CFAP418: variants seen among roughly 807,000 people sequenced by gnomAD.
The protein encoded by CFAP418 is cilia- and flagella-associated protein 418.
Under a neutral mutation model 24.7 loss-of-function variants are expected in CFAP418, and 27 were observed. The observed-to-expected ratio is 1.09, with a 90% CI of 0.81 to 1.51. The LOEUF is 1.51. Among genes scored for constraint, CFAP418 ranks in the 40% most tolerant of loss-of-function variants. The pLI, the probability that CFAP418 is intolerant of heterozygous loss-of-function variation, is 0.00. For synonymous variants in CFAP418, 74 were observed against 87.3 expected (o/e 0.85, Z 0.85); for missense variants, 257 against 255.2 (o/e 1.01, Z -0.05).
At chr8:95,250,179 C>T (rs1563470111) in intron 5 of CFAP418, among the ~76,000 whole-genome samples, 1 of 152,282 alleles carries the variant, frequency 6.6e-6, no homozygotes, top group East Asian at 1.9e-4. Context: ...TGATTTATAT[C>T]CTAATGGTGG....
chr8:95,260,123 A>T (rs1811861361), intron 3 of CFAP418, among the ~76,000 whole-genome samples: 1 of 152,222 alleles, frequency 6.6e-6, no homozygotes, highest in Non-Finnish European at 1.5e-5. Flanking sequence ...ACACTCAAGG[A>T]ATTAAAATGA....
In CFAP418 at chr8:95,269,122, C is replaced by T; in HGVS notation, c.68G>A (p.Arg23Lys). 6.2e-7 allele frequency: 1 copy of T among 1,614,236 alleles called. No individual in the cohort carries two copies. Among genetic ancestry groups the T allele is most frequent in the Non-Finnish European group, 8.5e-7 (1 of 1,180,034 alleles). The change falls in exon 1 of 6, where the codon AGA (arginine) becomes AAA (lysine). Residue 23 changes from arginine (R) to lysine (K), a missense_variant. Transcript: ENST00000286688. ...ESKFCTPDLL[R>K]RGMVEQPKGC... ...TTTGGGCTGCTCGACCATACCCCGT[C>T]TTAGAAGGTCAGGTGTGCAAAACTT... is the stretch of plus-strand genomic sequence containing the variant.
At chr8:95,249,461 G>A (rs562585254) in intron 5 of CFAP418, among the ~76,000 whole-genome samples, 4 of 152,182 alleles carry the variant, frequency 2.6e-5, no homozygotes, top group East Asian at 3.9e-4. Context: ...TCAGGAGTTC[G>A]AGACCAGCAT....
At chr8:95,262,118 C>A (rs1050508334) in intron 2 of CFAP418, among the ~76,000 whole-genome samples, 1 of 152,114 alleles carries the variant, frequency 6.6e-6, no homozygotes, top group South Asian at 2.1e-4. Context: ...GCATGCGAAA[C>A]CCCACGTACA....
At chr8:95,251,744 T>C (rs1811712925) in intron 5 of CFAP418, among the ~76,000 whole-genome samples, 1 of 152,192 alleles carries the variant, frequency 6.6e-6, no homozygotes, top group South Asian at 2.1e-4. Flanking sequence ...AACACAGTCA[T>C]GCATTGCTTA....
rs1312701674 is a variant in CFAP418, at chr8:95,259,846, G to A, written c.368C>T (p.Ser123Leu). 6.2e-7 allele frequency: 1 copy of A among 1,606,882 alleles called. No individual in the cohort carries two copies. The highest frequency in any genetic ancestry group is 1.7e-5 in the Admixed American group (1 of 58,450). ...TACATTTCTGACAACCTACCTCCAT[G>A]AAATATTTGTTCCAATCCCACATGG... ...SIPCGIGTNISWRACDHLRCI... is the reference protein window; with the variant it reads ...SIPCGIGTNILWRACDHLRCI... Residue 123 changes from serine to leucine, a missense_variant, in exon 4 of 6, where the codon TCA becomes TTA. Coordinates refer to ENST00000286688, the MANE Select transcript of CFAP418 (RefSeq NM_177965.4).
chr8:95,253,028 G>A (rs1396855603), intron 4 of CFAP418, among the ~76,000 whole-genome samples: 1 of 152,208 alleles, frequency 6.6e-6, no homozygotes, highest in Non-Finnish European at 1.5e-5. Context: ...GGAGCAAAAT[G>A]GCCGGGCGCG....
At chr8:95,253,681 C>T (rs1811743649) in intron 4 of CFAP418, among the ~76,000 whole-genome samples, 2 of 152,206 alleles carry the variant, frequency 1.3e-5, no homozygotes, top group Admixed American at 6.5e-5. Flanking sequence ...TTCTTTCAAA[C>T]TGTTAGCAAT....
chr8:95,268,747 T>A (rs1407852975), intron 1 of CFAP418: 1 of 148,174 alleles, frequency 6.7e-6, no homozygotes, highest in African/African-American at 4.1e-5. Flanking sequence ...GACTGCGGGC[T>A]CTGCGGGCGG....
chr8:95,257,890 G>A (rs1223568416), intron 4 of CFAP418, among the ~76,000 whole-genome samples: 1 of 152,248 alleles, frequency 6.6e-6, no homozygotes, highest in East Asian at 1.9e-4. Context: ...CCTCAGGCAG[G>A]TCCTTCGGGA....
At chr8:95,268,421 G>A (rs1315674533) in intron 1 of CFAP418, among the ~76,000 whole-genome samples, 3 of 152,110 alleles carry the variant, frequency 2.0e-5, no homozygotes, top group Non-Finnish European at 2.9e-5. Context: ...GCTGCAGTGA[G>A]CTACGATCGT....
rs1365679977 is a variant in CFAP418, at chr8:95,260,497, G to T, written c.279C>A (p.Val93=). The change falls in exon 3 of 6, where the codon GTC becomes GTA. Residue 93 remains valine (V), a synonymous_variant. Transcript: ENST00000286688. ...TACCAAGGCCTTCAATGGAAGCTCT[G>T]ACAGATGTGTTACCTGAAGATTTAG... ...LKSKSSGNTS[V]RASIEGLGKS... is the part of the protein sequence containing the mutation. 2 of 1,589,900 alleles carry T rather than the reference G, an allele frequency of 1.3e-6. No individual in the cohort carries two copies. The highest frequency in any genetic ancestry group is 1.7e-6 in the Non-Finnish European group (2 of 1,172,444).
At chr8:95,266,948 C>T (rs920446308) in intron 1 of CFAP418, among the ~76,000 whole-genome samples, 1 of 152,196 alleles carries the variant, frequency 6.6e-6, no homozygotes, top group African/African-American at 2.4e-5. Flanking sequence ...TGCCCCTCCG[C>T]ATGCTAGTTC....
chr8:95,259,940 T>A (rs1301788374), intron 3 of CFAP418, 35 bp from the exon 4 acceptor site: 2 of 1,525,700 alleles, frequency 1.3e-6, no homozygotes, highest in Non-Finnish European at 8.8e-7. Flanking sequence ...AATATGAAGT[T>A]ATAACAAAAA....
At chr8:95,260,990 A>C (rs1218080268) in intron 2 of CFAP418, among the ~76,000 whole-genome samples, 2 of 152,240 alleles carry the variant, frequency 1.3e-5, no homozygotes, top group African/African-American at 2.4e-5. Flanking sequence ...AGGAATATTA[A>C]TTTTGATCAA....
chr8:95,246,832 T>C lies in CFAP418; in HGVS notation c.*785A>G, dbSNP rs921498573. The stretch of plus-strand genomic sequence containing the variant: ...ATTACTTGCTGTTTACTTCCCTTGA[T>C]GGAGTTTTAGGCATTAAAGGATAGA... On this transcript the variant is annotated 3_prime_UTR_variant, in exon 6 of 6. Coordinates refer to ENST00000286688, the MANE Select transcript of CFAP418 (RefSeq NM_177965.4). The C allele has an allele frequency of 1.3e-5, 2 of 152,356 alleles. No individual in the cohort carries two copies. Among genetic ancestry groups the C allele is most frequent in the East Asian group, 3.9e-4 (2 of 5,192 alleles). 9.4% of individuals were successfully genotyped at this position (152,356 alleles called of 1,614,324 possible).
intron 3 of CFAP418, 30 bp from the exon 4 acceptor site, chr8:95,259,935 G>A (rs1450581568): frequency 6.5e-7 from 1 of 1,532,528 alleles, no homozygotes; most frequent in Non-Finnish European, 8.7e-7. Flanking sequence ...GCAAAAATAT[G>A]AAGTTATAAC....
intron 4 of CFAP418, among the ~76,000 whole-genome samples, chr8:95,257,287 T>C (rs1267662644): frequency 6.6e-6 from 1 of 152,214 alleles, no homozygotes; most frequent in Non-Finnish European, 1.5e-5. Context: ...AATTTTTTTG[T>C]ACAGAGAGTC....
intron 2 of CFAP418, among the ~76,000 whole-genome samples, chr8:95,263,398 A>G (rs1410230506): frequency 6.6e-6 from 1 of 152,184 alleles, no homozygotes; most frequent in East Asian, 1.9e-4. Context: ...AAGTGTCCTT[A>G]GATACTACAA....
Sources: gnomAD v4.1 joint callset for allele counts (sites outside exome capture counted in the v4.1 genomes callset) on GRCh38, gnomAD v4.1.1 for gene constraint, MANE v1.5 for transcripts, NCBI Gene and HGNC (gene_info 2026-07-23, HGNC 2026-07-21) for gene names.